ZP4: variants seen among roughly 807,000 people sequenced by gnomAD.
ZP4 encodes the protein zona pellucida glycoprotein 4, also known as zona pellucida sperm-binding protein 4.
In ZP4, 62 loss-of-function variants were observed where a neutral mutation model predicts 62.3. The ratio of observed to expected loss-of-function variants is 0.99; its 90% CI spans 0.81 to 1.23. ZP4 has a LOEUF of 1.23. Among genes scored for constraint, ZP4 ranks in the 50% most tolerant of loss-of-function variants. The probability of loss-of-function intolerance (pLI) is 0.00; values close to 1 mark genes in which losing one functional copy is unlikely to be tolerated. For synonymous variants in ZP4, 289 were observed against 247.3 expected (o/e 1.17, Z -1.58); for missense variants, 774 against 656.0 (o/e 1.18, Z -1.97).
rs920619706 is a variant in ZP4 at position 237,890,546 on chromosome 1, A to G, written c.90T>C (p.Ser30=). The change falls in exon 1 of 12, where the codon AGT becomes AGC. Residue 30 remains serine (S), a synonymous_variant. Coordinates refer to ENST00000366570, the MANE Select transcript of ZP4 (RefSeq NM_021186.5). ...AGCTCCACGGCCCACAGTGGAGCAC[A>G]CTGGAATAATCTGGTGCCTCAGGCT... is the stretch of plus-strand genomic sequence containing the variant. ...QHKPEAPDYS[S]VLHCGPWSFQ... The G allele has an allele frequency of 1.2e-6, 2 of 1,614,110 alleles. No homozygotes were observed. Among genetic ancestry groups the G allele is most frequent in the Middle Eastern group, 1.7e-4 (1 of 6,060 alleles).
Position 237,887,288 on chromosome 1 carries a change from G to A in ZP4, c.741+86C>T, listed in dbSNP as rs541808230. On this transcript the variant is annotated intron_variant, in intron 5 of 11. Coordinates refer to ENST00000366570, the MANE Select transcript of ZP4 (RefSeq NM_021186.5). ...AGTAGTAGTCACAAGTATCGTTCAC[G>A]GCCAACATATTTCAGCTCTCCCCCA... The A allele has an allele frequency of 3.3e-5, 49 of 1,477,416 alleles. No individual in the cohort carries two copies. The East Asian group carries it at 5.2e-4, about 16-fold the overall frequency. 91.5% of individuals were successfully genotyped at this position (1,477,416 alleles called of 1,614,324 possible).
At chr1:237,882,919 G>A (rs1664950620) in intron 10 of ZP4, 73 bp from the exon 11 acceptor site, 9 of 1,287,944 alleles carry the variant, frequency 7.0e-6, no homozygotes, top group South Asian at 6.5e-5. Context: ...ATGTTATGGT[G>A]CAAGGCCAAG....
intron 10 of ZP4, among the ~76,000 whole-genome samples, chr1:237,883,643 CGGGGGAGGGCGGGGGAGGGCCGG>C (rs1558529900): frequency 0.015 from 103 of 6,710 alleles, 12 homozygotes; most frequent in Admixed American, 0.044. Flanking sequence ...AGGGGGAGGG[CGGGGGAGGGCGGGGGAGGGCCGG>C]GGGAGGGCGG....
At chr1:237,888,587 G>T in intron 3 of ZP4, 77 bp from the exon 4 acceptor site, 1 of 1,430,698 alleles carries the variant, frequency 7.0e-7, no homozygotes, top group Non-Finnish European at 9.5e-7. Context: ...ACAAGTCATT[G>T]ACTTTGGATT....
At position 237,882,504 on chromosome 1, in the gene ZP4, C is replaced by G. The variant is rs759489898; in HGVS notation, c.1541G>C (p.Gly514Ala). 4 of 1,607,858 alleles carry G rather than the reference C, an allele frequency of 2.5e-6. No homozygotes were observed. The highest frequency in any genetic ancestry group is 2.5e-6 in the Non-Finnish European group (3 of 1,178,356). The part of the protein sequence containing the change: ...SKVLWVAGLS[G>A]TLILGALLVS... ...TAACAAGGCTCCAAGGATTAAGGTCCCAGAAAGGCCTGCCACCCACAGAAC... is the reference window on the plus strand; with the variant it reads ...TAACAAGGCTCCAAGGATTAAGGTCGCAGAAAGGCCTGCCACCCACAGAAC... Residue 514 changes from glycine to alanine, a missense_variant, in exon 12 of 12, where the codon GGG becomes GCG. Physicochemically the swap from Gly to Ala is moderately conservative, Grantham distance 60. Transcript: ENST00000366570.
chr1:237,883,812 A>AAGAGAGAGGAAGAGAGGGG (rs1435258900), intron 10 of ZP4, among the ~76,000 whole-genome samples: 1 of 99,604 alleles, frequency 1.0e-5, no homozygotes, highest in African/African-American at 4.9e-5. Flanking sequence ...GAAGAGAGGG[A>AAGAGAGAGGAAGAGAGGGG]GAAAGGCTGG....
chr1:237,882,820 G>A lies in ZP4; in HGVS notation c.1417C>T (p.Gln473Ter), dbSNP rs1419962037. The change falls in exon 11 of 12, where the codon CAG (glutamine) becomes TAG (stop). Residue 473 changes from glutamine to a stop codon, truncating the protein, a stop_gained. Coordinates refer to ENST00000366570, the MANE Select transcript of ZP4 (RefSeq NM_021186.5). LOFTEE classifies it high-confidence loss of function. ...CTAGAAACACTAGCAGTAGTGTTCT[G>A]AGAACTGTTGTCAAAATTTCTTCTT... ...SRRRNFDNSS[Q>*]NTTASVSSKG... 1.2e-6 allele frequency: 2 copies of A among 1,613,846 alleles called. No homozygotes were observed. The highest frequency in any genetic ancestry group is 1.7e-6 in the Non-Finnish European group (2 of 1,179,922).
rs1664945335 is a variant in ZP4 at position 237,882,735 on chromosome 1, T to C, written c.1495+7A>G. On this transcript the variant is annotated splice_region_variant and intron_variant, in intron 11 of 11. Coordinates refer to ENST00000366570, the MANE Select transcript of ZP4 (RefSeq NM_021186.5). Reference sequence around the variant, plus strand: ...CTAGTTTGATCTCCTCCCTCTTGGATACTTACGGAGCTTTTCTGGAGGGTC... The same window carrying C: ...CTAGTTTGATCTCCTCCCTCTTGGACACTTACGGAGCTTTTCTGGAGGGTC... The C allele has an allele frequency of 1.9e-6, 3 of 1,613,274 alleles. No homozygotes were observed. Among genetic ancestry groups the C allele is most frequent in the South Asian group, 1.1e-5 (1 of 91,052 alleles).
At chr1:237,883,700 AGGGCGGGGG>A (rs1664981753) in intron 10 of ZP4, among the ~76,000 whole-genome samples, 1 of 12,340 alleles carries the variant, frequency 8.1e-5, no homozygotes, top group Non-Finnish European at 1.4e-4. Flanking sequence ...AGGGCGGGGG[AGGGCGGGGG>A]AGGGCGGGGG....
At chr1:237,884,063 A>AAC (rs1241192850) in intron 10 of ZP4, among the ~76,000 whole-genome samples, 1 of 137,940 alleles carries the variant, frequency 7.2e-6, no homozygotes, top group African/African-American at 3.1e-5. Context: ...AACACACACA[A>AAC]ACACACACAA....
At chr1:237,883,635 G>GAA in intron 10 of ZP4, among the ~76,000 whole-genome samples, 1 of 7,378 alleles carries the variant, frequency 1.4e-4, no homozygotes, top group Admixed American at 2.3e-3. Flanking sequence ...AGAGGGGGAG[G>GAA]GGGAGGGCGG....
chr1:237,884,849 T>C lies in ZP4; in HGVS notation c.1312-2A>G. 1.2e-6 allele frequency: 2 copies of C among 1,612,854 alleles called. No homozygotes were observed. Among genetic ancestry groups the C allele is most frequent in the Non-Finnish European group, 1.7e-6 (2 of 1,179,450 alleles). ...TGACACGCTGCAGTGCAGATGCACC[T>C]GGGAGCCAACAGAATTCAGGTCATT... On this transcript the variant is annotated splice_acceptor_variant, in intron 9 of 11. Transcript: ENST00000366570. LOFTEE classifies it high-confidence loss of function.
chr1:237,883,530 C>A (rs186995792), intron 10 of ZP4, among the ~76,000 whole-genome samples: 171 of 150,294 alleles, frequency 1.1e-3, no homozygotes, highest in African/African-American at 4.0e-3. Context: ...GCCTGGCCAA[C>A]GTGGTGAATC....
chr1:237,884,019 CACACACACACACAA>C (rs1558531062), intron 10 of ZP4, among the ~76,000 whole-genome samples: 103 of 58,678 alleles, frequency 1.8e-3, no homozygotes, highest in Middle Eastern at 6.8e-3. Context: ...CACACACAAA[CACACACACACACAA>C]ACACACACAA....
intron 10 of ZP4, 140 bp from the exon 11 acceptor site, chr1:237,882,986 T>C: frequency 1.7e-6 from 1 of 593,610 alleles, no homozygotes; most frequent in Non-Finnish European, 2.9e-6. Context: ...TATATTAATA[T>C]GTACTTGAAC....
At chr1:237,884,023 C>A (rs76016389) in intron 10 of ZP4, among the ~76,000 whole-genome samples, 4,761 of 64,112 alleles carry the variant, frequency 0.074, 202 homozygotes, top group Middle Eastern at 0.093. Flanking sequence ...CACAAACACA[C>A]ACACACACAA....
In ZP4 at chr1:237,885,050, T is replaced by C. The variant is rs963050211; in HGVS notation, c.1311+115A>G. On this transcript the variant is annotated intron_variant, in intron 9 of 11. Transcript: ENST00000366570. ...AGTAACAAGGGTTGCTCTGAGTCAG[T>C]ACCAATAGCCAGCATTAAAGGGCTT... 5 of 1,448,770 alleles carry C rather than the reference T, an allele frequency of 3.5e-6. No individual in the cohort carries two copies. In the African/African-American group the frequency reaches 7.0e-5, roughly 20 times the overall value. 89.7% of individuals were successfully genotyped at this position (1,448,770 alleles called of 1,614,324 possible).
intron 11 of ZP4, 39 bp downstream of exon 11, chr1:237,882,703 T>TAGTTC: frequency 6.2e-7 from 1 of 1,603,824 alleles, no homozygotes; most frequent in Admixed American, 1.7e-5. Context: ...ATTAGTAATT[T>TAGTTC]AGTTCACTAG....
At chr1:237,883,518 C>A (rs1664963798) in intron 10 of ZP4, among the ~76,000 whole-genome samples, 3 of 150,606 alleles carry the variant, frequency 2.0e-5, no homozygotes, top group African/African-American at 7.3e-5. Context: ...AGTTCAAGAC[C>A]AGCCTGGCCA....
Sources: allele counts gnomAD v4.1 joint callset (sites outside exome capture counted in the v4.1 genomes callset), GRCh38; gene constraint gnomAD v4.1.1; transcripts MANE v1.5; gene names NCBI Gene and HGNC (gene_info 2026-07-23, HGNC 2026-07-21).